The following TRAPPC8 variants were observed in gnomAD, a reference collection of about 807,000 sequenced individuals.
TRAPPC8 encodes general sporulation gene 1 homolog.
A neutral mutation model predicts 174.3 loss-of-function variants in TRAPPC8; 54 were observed. That is an observed-to-expected ratio of 0.31 (90% CI 0.25 to 0.39). TRAPPC8 has a LOEUF of 0.39. TRAPPC8 is among the 10% of genes least tolerant of loss of function. TRAPPC8 has a pLI of 1.00. For synonymous variants in TRAPPC8, 630 were observed against 579.9 expected (o/e 1.09, Z -1.24); for missense variants, 1,531 against 1,699.1 (o/e 0.90, Z 1.74).
intron 12 of TRAPPC8, among the ~76,000 whole-genome samples, chr18:31,881,518 T>C (rs2035451683): frequency 6.6e-6 from 1 of 151,980 alleles, no homozygotes; most frequent in Non-Finnish European, 1.5e-5. Flanking sequence ...GACTTAAAGA[T>C]AAGACCTCAA....
intron 4 of TRAPPC8, among the ~76,000 whole-genome samples, chr18:31,914,049 G>C (rs2037028868): frequency 6.7e-6 from 1 of 150,254 alleles, no homozygotes. Flanking sequence ...TGTGGTCCCA[G>C]CTGCCCAGGA....
At chr18:31,942,302 G>A (rs1338966134) in intron 1 of TRAPPC8, among the ~76,000 whole-genome samples, 1 of 152,158 alleles carries the variant, frequency 6.6e-6, no homozygotes, top group Non-Finnish European at 1.5e-5. Flanking sequence ...CTATGGCCGT[G>A]GAGAACAGTC....
chr18:31,899,418 T>C (rs1297015366), intron 10 of TRAPPC8, among the ~76,000 whole-genome samples: 1 of 152,210 alleles, frequency 6.6e-6, no homozygotes, highest in Non-Finnish European at 1.5e-5. Flanking sequence ...TTATTAATGA[T>C]GTTGTTTTGT....
intron 2 of TRAPPC8, among the ~76,000 whole-genome samples, chr18:31,917,907 T>C (rs187606824): frequency 2.6e-5 from 4 of 152,196 alleles, no homozygotes; most frequent in East Asian, 1.9e-4. Flanking sequence ...GTGGATCACA[T>C]GAGGTCAGGA....
chr18:31,885,765 T>C (rs62095545), intron 12 of TRAPPC8, among the ~76,000 whole-genome samples: 53,888 of 150,762 alleles, frequency 0.36, 10,123 homozygotes, highest in South Asian at 0.57. Context: ...GAGGCTGAGG[T>C]GGAAGAATTG....
intron 2 of TRAPPC8, among the ~76,000 whole-genome samples, chr18:31,930,799 G>A (rs890548882): frequency 3.3e-5 from 5 of 151,540 alleles, no homozygotes; most frequent in African/African-American, 1.2e-4. Context: ...ATAAAACACA[G>A]GAGGATCACT....
chr18:31,845,466 T>C (rs992526807), intron 26 of TRAPPC8, among the ~76,000 whole-genome samples: 5 of 149,054 alleles, frequency 3.4e-5, no homozygotes, highest in African/African-American at 1.2e-4. Context: ...ATGTTGTAGT[T>C]TTTTTTTTTT....
In TRAPPC8 at chr18:31,897,853, G is replaced by A; in HGVS notation, c.1529C>T (p.Ala510Val). The A allele has an allele frequency of 1.2e-6, 2 of 1,611,400 alleles. No individual in the cohort carries two copies. The highest frequency in any genetic ancestry group is 2.7e-5 in the African/African-American group (2 of 74,962). Residue 510 changes from alanine to valine, a missense_variant, in exon 11 of 29, where the codon GCT becomes GTT. By Grantham distance (64) the Ala-to-Val change is moderately conservative (BLOSUM62 0). Transcript: ENST00000283351. Reference protein sequence around the residue: ...VLAERCVLLSAELLKSQSKYS... With the variant: ...VLAERCVLLSVELLKSQSKYS... ...TTTGCTTTGGCTTTTTAAAAGTTCAGCACTAAGCAACACACATCTTTCAGC... is the reference window on the plus strand; with the variant it reads ...TTTGCTTTGGCTTTTTAAAAGTTCAACACTAAGCAACACACATCTTTCAGC...
At chr18:31,926,456 A>C (rs1359132132) in intron 2 of TRAPPC8, 1 of 139,898 alleles carries the variant, frequency 7.1e-6, no homozygotes, top group African/African-American at 2.8e-5. Context: ...AGAACTGAGC[A>C]AGATGTTTTG....
chr18:31,893,339 T>C (rs2036041059), intron 11 of TRAPPC8, among the ~76,000 whole-genome samples: 1 of 152,108 alleles, frequency 6.6e-6, no homozygotes, highest in South Asian at 2.1e-4. Flanking sequence ...GATGTTATCA[T>C]TCCAGGACTT....
intron 14 of TRAPPC8, 90 bp from the exon 15 acceptor site, chr18:31,871,210 AT>A (rs943772979): frequency 1.8e-4 from 111 of 621,006 alleles, no homozygotes; most frequent in Admixed American, 7.4e-4. Context: ...AAATAAAAAA[AT>A]ATATATATAT....
At chr18:31,852,379 G>C in intron 24 of TRAPPC8, 67 bp downstream of exon 24, 2 of 1,575,966 alleles carry the variant, frequency 1.3e-6, no homozygotes, top group Non-Finnish European at 8.7e-7. Flanking sequence ...GATAAGCCTT[G>C]CCAAAAATAC....
intron 24 of TRAPPC8, 41 bp downstream of exon 24, chr18:31,852,405 C>G (rs199803415): frequency 2.4e-6 from 2 of 849,514 alleles, no homozygotes; most frequent in Non-Finnish European, 1.6e-6. Context: ...TATGCTATAA[C>G]TATGACTTAA....
At position 31,855,825 on chromosome 18, in the gene TRAPPC8, A is replaced by AAAG; in HGVS notation, c.3189-19_3189-18insCTT. 6.3e-7 allele frequency: 1 copy of AAAG among 1,581,740 alleles called. No individual in the cohort carries two copies. The highest frequency in any genetic ancestry group is 1.4e-5 in the African/African-American group (1 of 72,256). On this transcript the variant is annotated intron_variant, in intron 20 of 28. Coordinates refer to ENST00000283351, the MANE Select transcript of TRAPPC8 (RefSeq NM_014939.5). ...TTCTGTGCCTGAAGTTAAAAAAAAAAAAAAAAGCACATTTAAGCACAGAGT... is the reference window on the plus strand; with the variant it reads ...TTCTGTGCCTGAAGTTAAAAAAAAAAAAGAAAAAAGCACATTTAAGCACAGAGT...
intron 25 of TRAPPC8, 30 bp from the exon 26 acceptor site, chr18:31,846,847 C>T (rs142864737): frequency 9.5e-5 from 146 of 1,544,336 alleles, no homozygotes; most frequent in Admixed American, 3.1e-4. Flanking sequence ...AAAACGTTAC[C>T]GTGCTTGACA....
At chr18:31,941,180 C>G (rs557267351) in intron 1 of TRAPPC8, among the ~76,000 whole-genome samples, 14 of 152,332 alleles carry the variant, frequency 9.2e-5, no homozygotes, top group African/African-American at 3.1e-4. Context: ...CGGTGGCTCA[C>G]GCCCATAATC....
intron 16 of TRAPPC8, among the ~76,000 whole-genome samples, chr18:31,868,380 A>C (rs1320894142): frequency 6.6e-6 from 1 of 152,240 alleles, no homozygotes; most frequent in Non-Finnish European, 1.5e-5. Flanking sequence ...TATTATTTTA[A>C]GAAACACTTC....
At chr18:31,843,985 C>T (rs1042101115) in intron 26 of TRAPPC8, among the ~76,000 whole-genome samples, 15 of 152,268 alleles carry the variant, frequency 9.9e-5, no homozygotes, top group Admixed American at 7.2e-4. Flanking sequence ...ACTTTGTAAC[C>T]TGCAAGAAAC....
At chr18:31,853,715 A>G in intron 22 of TRAPPC8, 134 bp downstream of exon 22, 1 of 613,068 alleles carries the variant, frequency 1.6e-6, no homozygotes, top group Non-Finnish European at 2.7e-6. Flanking sequence ...ACTTACAGTT[A>G]GGTAAACTAA....
Sources: gnomAD v4.1 joint callset for allele counts (sites outside exome capture counted in the v4.1 genomes callset) on GRCh38, gnomAD v4.1.1 for gene constraint, MANE v1.5 for transcripts, NCBI Gene and HGNC (gene_info 2026-07-23, HGNC 2026-07-21) for gene names.